The following L3MBTL1 variants were observed in gnomAD, a reference collection of about 807,000 sequenced individuals.
L3MBTL1 encodes lethal(3)malignant brain tumor-like protein 1.
L3MBTL1 carries 75 observed loss-of-function variants against 105.3 expected under a neutral mutation model. The ratio of observed to expected loss-of-function variants is 0.71; its 90% CI spans 0.59 to 0.86. The LOEUF (loss-of-function observed/expected upper bound fraction) is 0.86, where lower values mean the gene tolerates loss of function less well. Among genes scored for constraint, L3MBTL1 ranks in the 40% least tolerant of loss-of-function variants. L3MBTL1 has a pLI of 0.00. For missense variants in L3MBTL1, 1,069 were observed against 1,126.4 expected (o/e 0.95, Z 0.73); for synonymous variants, 452 against 436.2 (o/e 1.04, Z -0.45).
At chr20:43,546,706 AC>A (rs1360892004), downstream of L3MBTL1, among the ~76,000 whole-genome samples, 2 of 152,046 alleles carry the variant, frequency 1.3e-5, no homozygotes, top group African/African-American at 4.8e-5. Context: ...TGACCAACTG[AC>A]TTCCCTCCTT....
intron 3 of L3MBTL1, 136 bp from the exon 4 acceptor site, chr20:43,514,499 G>T (rs576945239): frequency 6.2e-5 from 96 of 1,540,664 alleles, no homozygotes; most frequent in African/African-American, 4.1e-5. Flanking sequence ...TTGGAGTGAG[G>T]CCCCCTGGCG....
chr20:43,518,214 A>G (rs1055785446), intron 7 of L3MBTL1, among the ~76,000 whole-genome samples: 10 of 149,958 alleles, frequency 6.7e-5, no homozygotes, highest in African/African-American at 2.2e-4. Context: ...GTTTGCATCT[A>G]TGACTGAAAT....
intron 7 of L3MBTL1, among the ~76,000 whole-genome samples, chr20:43,522,457 GTTTTTTTT>G (rs1176856356): frequency 6.3e-5 from 6 of 95,896 alleles, no homozygotes; most frequent in East Asian, 3.7e-4. Context: ...TCCCTGCTAA[GTTTTTTTT>G]TTTTTTTTTT....
intron 7 of L3MBTL1, among the ~76,000 whole-genome samples, chr20:43,525,850 C>A (rs532721361): frequency 6.6e-6 from 1 of 152,112 alleles, no homozygotes; most frequent in Non-Finnish European, 1.5e-5. Flanking sequence ...CTCTGTACCC[C>A]CAATTTCTAG....
intron 7 of L3MBTL1, among the ~76,000 whole-genome samples, chr20:43,524,944 C>G (rs373807197): frequency 6.6e-6 from 1 of 151,942 alleles, no homozygotes; most frequent in Non-Finnish European, 1.5e-5. Context: ...AAAATAAACA[C>G]GTTTTTTCAT....
At chr20:43,547,253 C>G (rs1012021632) in intron 18 of L3MBTL1, among the ~76,000 whole-genome samples, 2 of 152,000 alleles carry the variant, frequency 1.3e-5, no homozygotes, top group Non-Finnish European at 2.9e-5. Flanking sequence ...TGCAGGCGCC[C>G]GCCACCACGC....
At chr20:43,523,563 C>T (rs2018849016) in intron 7 of L3MBTL1, 1 of 252,344 alleles carries the variant, frequency 4.0e-6, no homozygotes, top group Non-Finnish European at 8.0e-6. Flanking sequence ...GGACCAGTAT[C>T]CTGCGGCATT....
chr20:43,523,632 C>T (rs763176026), intron 7 of L3MBTL1: 10 of 208,532 alleles, frequency 4.8e-5, no homozygotes, highest in East Asian at 2.2e-4. Context: ...GCATTTGCAC[C>T]GCTCTCCTGA....
chr20:43,537,273 C>G (rs777697826), intron 19 of L3MBTL1, among the ~76,000 whole-genome samples: 3 of 152,216 alleles, frequency 2.0e-5, no homozygotes, highest in African/African-American at 4.8e-5. Flanking sequence ...TTATTTTCCA[C>G]AGTTCTGGAG....
rs990980530 is a variant in L3MBTL1 at position 43,534,681 on chromosome 20, G to C, written c.1711-147G>C. 6 of 633,448 alleles carry C rather than the reference G, an allele frequency of 9.5e-6. No homozygotes were observed. In the Admixed American group the frequency reaches 1.7e-4, roughly 18 times the overall value. 39.2% of individuals were successfully genotyped at this position (633,448 alleles called of 1,614,324 possible). ...AGTGATGCCCTTGGAAAATGTGGTGGCCAAGACAGATTATTGCAGGGTTGG... is the reference window on the plus strand; with the variant it reads ...AGTGATGCCCTTGGAAAATGTGGTGCCCAAGACAGATTATTGCAGGGTTGG... On this transcript the variant is annotated intron_variant, in intron 15 of 21. Transcript: ENST00000418998.
At chr20:43,533,811 T>G (rs1015325081) in intron 13 of L3MBTL1, among the ~76,000 whole-genome samples, 197 bp from the exon 14 acceptor site, 1 of 152,122 alleles carries the variant, frequency 6.6e-6, no homozygotes, top group African/African-American at 2.4e-5. Context: ...CTGTGAACTA[T>G]TAGGGTGGTG....
intron 4 of L3MBTL1, 108 bp from the exon 5 acceptor site, chr20:43,514,901 C>T (rs2018291636): frequency 6.8e-7 from 1 of 1,473,776 alleles, no homozygotes; most frequent in African/African-American, 1.4e-5. Context: ...AGGAGGCCAT[C>T]CGATGCGGAG....
In L3MBTL1 at chr20:43,537,079, C is replaced by T. The variant is rs575392237; in HGVS notation, c.2173+621C>T. On this transcript the variant is annotated intron_variant, in intron 19 of 21. Coordinates refer to ENST00000418998, the MANE Select transcript of L3MBTL1 (RefSeq NM_001377303.1). ...ATGTCACTTGCCCAAGGTCATTCACCTTGTAAGGGGGAGAGCTGGCATTCC... is the reference window on the plus strand; with the variant it reads ...ATGTCACTTGCCCAAGGTCATTCACTTTGTAAGGGGGAGAGCTGGCATTCC... Among the ~76,000 whole-genome samples the T allele has an allele frequency of 4.6e-5, 7 of 152,320 alleles. No homozygotes were observed. In the South Asian group the frequency reaches 1.5e-3, roughly 32 times the overall value.
chr20:43,511,780 C>CA lies in L3MBTL1; in HGVS notation c.-28-1676dup, dbSNP rs35702977. On this transcript the variant is annotated intron_variant, in intron 1 of 21. Transcript: ENST00000418998. The stretch of plus-strand genomic sequence containing the variant: ...TGGGCAACAGAGCGAGACTCCATCT[C>CA]AAAAAAAAAAAAAAAAAAAATTGGT... 8.9e-3 allele frequency among the ~76,000 whole-genome samples: 948 copies of CA among 106,374 alleles called. 5 individuals carry two copies. The highest frequency in any genetic ancestry group is 0.014 in the South Asian group (40 of 2,830). 69.8% of individuals were successfully genotyped at this position (106,374 alleles called of 152,430 possible).
At chr20:43,513,418 T>A (rs1008527350) in intron 1 of L3MBTL1, 58 bp from the exon 2 acceptor site, 2 of 1,483,244 alleles carry the variant, frequency 1.3e-6, no homozygotes, top group Non-Finnish European at 1.8e-6. Flanking sequence ...CACATCTCCA[T>A]TGCTGCTGTA....
chr20:43,510,943 T>C (rs1255210571), intron 1 of L3MBTL1, among the ~76,000 whole-genome samples: 2 of 152,176 alleles, frequency 1.3e-5, no homozygotes, highest in African/African-American at 4.8e-5. Flanking sequence ...AGGCTGGTCT[T>C]GAACTCTTGG....
rs2019497882 is a variant in L3MBTL1, at chr20:43,534,369, A to G, written c.1685A>G (p.Glu562Gly). The G allele has an allele frequency of 1.2e-6, 2 of 1,614,076 alleles. No individual in the cohort carries two copies. Among genetic ancestry groups the G allele is most frequent in the Non-Finnish European group, 1.7e-6 (2 of 1,179,990 alleles). The change falls in exon 15 of 22, where the codon GAG becomes GGG. Residue 562 changes from glutamate (E) to glycine (G), a missense_variant. Glu to Gly is a moderately conservative substitution (Grantham distance 98). Coordinates refer to ENST00000418998, the MANE Select transcript of L3MBTL1 (RefSeq NM_001377303.1). The stretch of plus-strand genomic sequence containing the variant: ...GCCCTGATTCGCGTGGCCAGCGTGG[A>G]GGATGTGGAGGACCATCGGATAAAG... Reference protein sequence around the residue: ...NPALIRVASVEDVEDHRIKIH... With the variant: ...NPALIRVASVGDVEDHRIKIH...
downstream of L3MBTL1, among the ~76,000 whole-genome samples, chr20:43,542,329 A>G (rs567026896): frequency 6.6e-6 from 1 of 152,270 alleles, no homozygotes; most frequent in South Asian, 2.1e-4. Flanking sequence ...AACTCCTCCC[A>G]CTTCCAGGTG....
At chr20:43,517,019 A>G (rs8120580) in intron 7 of L3MBTL1, among the ~76,000 whole-genome samples, 31,363 of 151,304 alleles carry the variant, frequency 0.21, 3,540 homozygotes, top group African/African-American at 0.29. Context: ...CTGGTCTCGA[A>G]CTCCTGGGCT....
Sources: gnomAD v4.1 joint callset for allele counts (sites outside exome capture counted in the v4.1 genomes callset) on GRCh38, gnomAD v4.1.1 for gene constraint, MANE v1.5 for transcripts, NCBI Gene and HGNC (gene_info 2026-07-23, HGNC 2026-07-21) for gene names.